ARHGAP35: variants seen among roughly 807,000 people sequenced by gnomAD.
ARHGAP35 encodes Rho GTPase activating protein 35, also known as rho GTPase-activating protein 35.
In ARHGAP35, 15 loss-of-function variants were observed where a neutral mutation model predicts 111.1. The ratio of observed to expected loss-of-function variants is 0.13; its 90% CI spans 0.09 to 0.21. The LOEUF (loss-of-function observed/expected upper bound fraction) is 0.21. Among genes scored for constraint, ARHGAP35 ranks in the 10% least tolerant of loss-of-function variants. The pLI, the probability that ARHGAP35 is intolerant of heterozygous loss-of-function variation, is 1.00. For missense variants in ARHGAP35, 1,262 were observed against 1,873.0 expected (o/e 0.67, Z 6.02); for synonymous variants, 643 against 710.3 (o/e 0.91, Z 1.51).
intron 3 of ARHGAP35, among the ~76,000 whole-genome samples, chr19:46,963,675 C>CT (rs2056497351): frequency 6.6e-6 from 1 of 152,024 alleles, no homozygotes; most frequent in South Asian, 2.1e-4. Flanking sequence ...AACTTTTCAC[C>CT]TTTATCTTGT....
At position 46,922,404 on chromosome 19, in the gene ARHGAP35, G is replaced by A; in HGVS notation, c.3681+48G>A. On this transcript the variant is annotated intron_variant, in intron 2 of 6. Transcript: ENST00000672722. The surrounding 1 kb of genome is among the most constrained non-coding windows in gnomAD (Gnocchi z 4.0). ...GTCATAGTGTTTTGTACAGCGTCTCGGTGAGGGTTGATTGATGATGATTTT... is the reference window on the plus strand; with the variant it reads ...GTCATAGTGTTTTGTACAGCGTCTCAGTGAGGGTTGATTGATGATGATTTT... 1.4e-6 allele frequency: 2 copies of A among 1,445,412 alleles called. No homozygotes were observed. The highest frequency in any genetic ancestry group is 1.8e-6 in the Non-Finnish European group (2 of 1,094,348). The allele number at this position is 1,445,412 out of a possible 1,614,324, so 89.5% of individuals were successfully genotyped here. A position where few individuals can be genotyped will look rare whatever the true frequency, so the allele number is the denominator to read the frequency against.
chr19:46,978,153 TTG>T (rs1170588634), intron 3 of ARHGAP35, among the ~76,000 whole-genome samples: 13 of 152,122 alleles, frequency 8.5e-5, no homozygotes, highest in Non-Finnish European at 2.9e-5. Flanking sequence ...GTTGAGAAGT[TTG>T]TGTTGTACCC....
At chr19:46,900,506 C>G (rs1208121743) in intron 1 of ARHGAP35, among the ~76,000 whole-genome samples, 1 of 152,174 alleles carries the variant, frequency 6.6e-6, no homozygotes, top group Non-Finnish European at 1.5e-5. Context: ...CAGGCGTGAG[C>G]CACCATGCCC....
intron 3 of ARHGAP35, among the ~76,000 whole-genome samples, chr19:46,941,023 A>G (rs2056343786): frequency 6.6e-6 from 1 of 152,034 alleles, no homozygotes; most frequent in South Asian, 2.1e-4. Context: ...TTACTATGCC[A>G]TTGTCCCCTG....
rs114303919 is a variant in ARHGAP35 at position 46,886,602 on chromosome 19, T to C, written c.-189+25393T>C. 2.2e-3 allele frequency among the ~76,000 whole-genome samples: 337 copies of C among 152,296 alleles called. 1 individual carries two copies. The highest frequency in any genetic ancestry group is 7.6e-3 in the African/African-American group (315 of 41,562). The stretch of plus-strand genomic sequence containing the variant: ...TATTATCATTACAGTGATTCACCCT[T>C]GATTCTAGGGATCGGGCGTTACTCA... On this transcript the variant is annotated intron_variant, in intron 1 of 6. Coordinates refer to ENST00000672722, the MANE Select transcript of ARHGAP35 (RefSeq NM_004491.5).
At chr19:46,898,901 A>G (rs2056070551) in intron 1 of ARHGAP35, among the ~76,000 whole-genome samples, 2 of 152,110 alleles carry the variant, frequency 1.3e-5, no homozygotes, top group South Asian at 4.1e-4. Context: ...AGTTGCCTGC[A>G]TTCTTCCATA....
rs996265919 is a variant in ARHGAP35 at position 46,993,695 on chromosome 19, C to T, written c.4036+4020C>T. ...CCAAAAATGCCTCCCTTGGACGTTT[C>T]TTGTTGTCTCAGTCGATGGCCCCTA... On this transcript the variant is annotated intron_variant, in intron 5 of 6. Transcript: ENST00000672722. The surrounding 1 kb of genome is among the most constrained non-coding windows in gnomAD (Gnocchi z 4.6). Among the ~76,000 whole-genome samples, 10 of 152,142 alleles carry T rather than the reference C, an allele frequency of 6.6e-5. No individual in the cohort carries two copies. Among genetic ancestry groups the T allele is most frequent in the African/African-American group, 2.4e-4 (10 of 41,414 alleles).
At chr19:46,960,893 CT>C (rs1304320167) in intron 3 of ARHGAP35, among the ~76,000 whole-genome samples, 1,470 of 132,368 alleles carry the variant, frequency 0.011, 6 homozygotes, top group Non-Finnish European at 0.013. Context: ...ATTTCTTTGG[CT>C]TTTTTTTTTT....
chr19:46,962,212 A>T (rs1222855128), intron 3 of ARHGAP35, among the ~76,000 whole-genome samples: 1 of 152,204 alleles, frequency 6.6e-6, no homozygotes, highest in Non-Finnish European at 1.5e-5. Flanking sequence ...TTTTTAAAAA[A>T]GCCTCTAGTC....
At position 46,988,197 on chromosome 19, in the gene ARHGAP35, T is replaced by G. The variant is rs2056661337; in HGVS notation, c.3904+131T>G. ...ACCCAAAGCCACGAGGTGCTGAGAC[T>G]GAGAAAGAGACCATGTGTGGCTGCA... is the stretch of plus-strand genomic sequence containing the variant. On this transcript the variant is annotated intron_variant, in intron 4 of 6. Coordinates refer to ENST00000672722, the MANE Select transcript of ARHGAP35 (RefSeq NM_004491.5). The surrounding 1 kb of genome is among the most constrained non-coding windows in gnomAD (Gnocchi z 5.4). The G allele has an allele frequency of 1.2e-6, 1 of 824,982 alleles. No individual in the cohort carries two copies. The highest frequency in any genetic ancestry group is 1.7e-5 in the African/African-American group (1 of 58,950). 51.1% of individuals were successfully genotyped at this position (824,982 alleles called of 1,614,324 possible). A position where few individuals can be genotyped will look rare whatever the true frequency, so the allele number is the denominator to read the frequency against.
intron 3 of ARHGAP35, among the ~76,000 whole-genome samples, chr19:46,964,785 T>TA (rs1183139355): frequency 1.3e-5 from 2 of 151,944 alleles, no homozygotes; most frequent in South Asian, 2.1e-4. Context: ...AATCCTTTGA[T>TA]AAAAAAGAAA....
intron 3 of ARHGAP35, among the ~76,000 whole-genome samples, chr19:46,975,960 C>T (rs2056577440): frequency 6.6e-6 from 1 of 152,196 alleles, no homozygotes; most frequent in Admixed American, 6.5e-5. Flanking sequence ...TAGATACTCC[C>T]ATCTATCACT....
intron 1 of ARHGAP35, among the ~76,000 whole-genome samples, chr19:46,877,625 CTAAG>C (rs1341684582): frequency 6.6e-6 from 1 of 152,052 alleles, no homozygotes; most frequent in Non-Finnish European, 1.5e-5. Flanking sequence ...GTACTGTAGT[CTAAG>C]TGTGCAGTAT....
rs768640987 is a variant in ARHGAP35 at position 47,000,298 on chromosome 19, A to G, written c.4143-33A>G. 6.2e-7 allele frequency: 1 copy of G among 1,604,334 alleles called. No homozygotes were observed. The highest frequency in any genetic ancestry group is 8.5e-7 in the Non-Finnish European group (1 of 1,174,150). ...CCCAGGGCCAGGTGGGGCCCTGCAC[A>G]GTTCTGACCATTGAGTTTGGTGTCG... On this transcript the variant is annotated intron_variant, in intron 6 of 6. Coordinates refer to ENST00000672722, the MANE Select transcript of ARHGAP35 (RefSeq NM_004491.5). The surrounding 1 kb of genome is among the most constrained non-coding windows in gnomAD (Gnocchi z 6.9).
At chr19:46,915,919 A>G (rs1289200695) in intron 1 of ARHGAP35, among the ~76,000 whole-genome samples, 6 of 150,482 alleles carry the variant, frequency 4.0e-5, no homozygotes, top group African/African-American at 1.5e-4. Context: ...TTCAGGAAGG[A>G]ATCCAAACTC....
At chr19:46,949,384 A>T (rs2056399478) in intron 3 of ARHGAP35, among the ~76,000 whole-genome samples, 1 of 152,184 alleles carries the variant, frequency 6.6e-6, no homozygotes, top group South Asian at 2.1e-4. Context: ...TCTGGGTATT[A>T]CCACCTTACC....
Position 46,918,653 on chromosome 19 carries a change from G to A in ARHGAP35, c.-23G>A, listed in dbSNP as rs958462691. The A allele has an allele frequency of 1.3e-6, 2 of 1,599,552 alleles. No homozygotes were observed. The highest frequency in any genetic ancestry group is 2.7e-5 in the African/African-American group (2 of 74,738). ...CACTAATCTGATCTCAGAAGTGGCT[G>A]ATCGTGGCAGGATGTGTCGACGATG... On this transcript the variant is annotated 5_prime_UTR_variant, in exon 2 of 7. Coordinates refer to ENST00000672722, the MANE Select transcript of ARHGAP35 (RefSeq NM_004491.5). This position sits in a 1 kb window ranked among gnomAD's most constrained non-coding sequence, Gnocchi z 5.4.
chr19:46,958,384 CAA>C (rs796810574), intron 3 of ARHGAP35, among the ~76,000 whole-genome samples: 11 of 75,574 alleles, frequency 1.5e-4, no homozygotes, highest in Admixed American at 4.4e-4. Context: ...GACTCCGTCT[CAA>C]AAAAAAAAAA....
rs1324430798 is a variant in ARHGAP35 at position 46,865,234 on chromosome 19, A to G, written c.-189+4025A>G. ...CTGGAGCAGGAGATGGCGGTAGACA[A>G]CTGCTTTCAAGGTAGTAACATGTTT... On this transcript the variant is annotated intron_variant, in intron 1 of 6. Transcript: ENST00000672722. 2.0e-5 allele frequency among the ~76,000 whole-genome samples: 3 copies of G among 152,200 alleles called. 1 individual carries two copies. Among genetic ancestry groups the G allele is most frequent in the Non-Finnish European group, 4.4e-5 (3 of 68,038 alleles).
Sources: allele counts gnomAD v4.1 joint callset (sites outside exome capture counted in the v4.1 genomes callset), GRCh38; gene constraint gnomAD v4.1.1; non-coding constraint Gnocchi (gnomAD v3.1); transcripts MANE v1.5; gene names NCBI Gene and HGNC (gene_info 2026-07-23, HGNC 2026-07-21).